DAAM2: variants seen among roughly 807,000 people sequenced by gnomAD.
DAAM2 encodes disheveled-associated activator of morphogenesis 2.
A neutral mutation model predicts 120.7 loss-of-function variants in DAAM2; 39 were observed. The ratio of observed to expected loss-of-function variants is 0.32; its 90% CI spans 0.25 to 0.42. The LOEUF (loss-of-function observed/expected upper bound fraction) is 0.42. Ranked by LOEUF, DAAM2 falls within the 10% of genes least tolerant of loss-of-function variation. The pLI, the probability that DAAM2 is intolerant of heterozygous loss-of-function variation, is 1.00. For missense variants in DAAM2, 1,283 were observed against 1,401.7 expected, an observed-to-expected ratio of 0.92 and a Z score of 1.35; for synonymous variants, 488 against 524.9, an observed-to-expected ratio of 0.93 and a Z score of 0.96.
At chr6:39,874,662 G>A (rs1764796403) in intron 10 of DAAM2, among the ~76,000 whole-genome samples, 1 of 152,226 alleles carries the variant, frequency 6.6e-6, no homozygotes, top group African/African-American at 2.4e-5. Flanking sequence ...CAAGGACCAA[G>A]GAAAGAGAGT....
intron 1 of DAAM2, among the ~76,000 whole-genome samples, chr6:39,809,643 A>G (rs1195573324): frequency 6.6e-6 from 1 of 152,200 alleles, no homozygotes; most frequent in East Asian, 1.9e-4. Context: ...CACAATGCTC[A>G]GAGAAGCACT....
rs142815151 is a variant in DAAM2 at position 39,798,626 on chromosome 6, A to C, written c.-57+6161A>C. Among the ~76,000 whole-genome samples, 450 of 152,276 alleles carry C rather than the reference A, an allele frequency of 3.0e-3. 3 individuals carry two copies. The highest frequency in any genetic ancestry group is 0.025 in the South Asian group (120 of 4,824). On this transcript the variant is annotated intron_variant, in intron 1 of 24. Transcript: ENST00000274867. ...ATGACCAATTGCTGTGTCGGCCAGC[A>C]ATCCCCATCAGTCCTCAAGGGTTAA...
chr6:39,849,254 C>T (rs1582670631), intron 1 of DAAM2, among the ~76,000 whole-genome samples: 1 of 152,130 alleles, frequency 6.6e-6, no homozygotes, highest in Non-Finnish European at 1.5e-5. Flanking sequence ...ATGACTGTTC[C>T]AGTAAAACTG....
In DAAM2 at chr6:39,878,593, G is replaced by A; in HGVS notation, c.1545+5G>A. 1.3e-6 allele frequency: 2 copies of A among 1,599,026 alleles called. No individual in the cohort carries two copies. Among genetic ancestry groups the A allele is most frequent in the South Asian group, 2.3e-5 (2 of 87,956 alleles). Reference sequence around the variant, plus strand: ...GCCCAGCTCAGTGAACTCTCAGTATGCAAGCATCTCCCCCTTTACATAGTT... The same window carrying A: ...GCCCAGCTCAGTGAACTCTCAGTATACAAGCATCTCCCCCTTTACATAGTT... On this transcript the variant is annotated splice_donor_5th_base_variant and intron_variant, in intron 13 of 24. Coordinates refer to ENST00000274867, the MANE Select transcript of DAAM2 (RefSeq NM_001201427.2). This position sits in a 1 kb window ranked among gnomAD's most constrained non-coding sequence, Gnocchi z 5.0.
Position 39,900,113 on chromosome 6 carries a change from A to G in DAAM2, c.2716A>G (p.Ser906Gly), listed in dbSNP as rs771147269. 2 of 1,601,040 alleles carry G rather than the reference A, an allele frequency of 1.2e-6. No homozygotes were observed. The highest frequency in any genetic ancestry group is 8.5e-7 in the Non-Finnish European group (1 of 1,173,940). The change falls in exon 23 of 25, where the codon AGT becomes GGT. Residue 906 changes from serine (S) to glycine (G), a missense_variant. Ser to Gly is a moderately conservative substitution (Grantham distance 56, BLOSUM62 0). Transcript: ENST00000274867. Reference sequence around the variant, plus strand: ...TCAGAGGCGCCAGGTACGGGAGCCCAGTGACAAGTTTGTCCCTGTCATGAG... The same window carrying G: ...TCAGAGGCGCCAGGTACGGGAGCCCGGTGACAAGTTTGTCCCTGTCATGAG... ...EYQRRQVREP[S>G]DKFVPVMSDF...
intron 2 of DAAM2, among the ~76,000 whole-genome samples, chr6:39,857,618 G>A (rs1008835832): frequency 2.6e-5 from 4 of 152,196 alleles, no homozygotes; most frequent in Non-Finnish European, 5.9e-5. Flanking sequence ...AGTTTTGAAA[G>A]AAGGACATGA....
At chr6:39,829,725 C>G (rs1026461550) in intron 1 of DAAM2, among the ~76,000 whole-genome samples, 3 of 152,182 alleles carry the variant, frequency 2.0e-5, no homozygotes, top group Non-Finnish European at 4.4e-5. Flanking sequence ...TGTCCTCATT[C>G]TAGGGATGCA....
intron 1 of DAAM2, among the ~76,000 whole-genome samples, chr6:39,798,385 C>A (rs776254521): frequency 6.6e-6 from 1 of 152,154 alleles, no homozygotes; most frequent in Non-Finnish European, 1.5e-5. Context: ...ATGGTAGTTG[C>A]TGTAGTTACT....
chr6:39,882,980 G>A (rs1226315425), intron 14 of DAAM2, among the ~76,000 whole-genome samples: 1 of 152,102 alleles, frequency 6.6e-6, no homozygotes, highest in Non-Finnish European at 1.5e-5. Context: ...CTTTCTGAGG[G>A]GGGTTGTAGG....
Position 39,864,473 on chromosome 6 carries a change from A to C in DAAM2, c.299A>C (p.Asp100Ala), listed in dbSNP as rs1261699111. The change falls in exon 4 of 25, where the codon GAC becomes GCC. Residue 100 changes from aspartate (D) to alanine (A), a missense_variant. By Grantham distance (126) the Asp-to-Ala change is moderately radical. Around this residue, in one of 3 missense-constraint regions of DAAM2, gnomAD observed 197 missense variants for 189.3 expected, o/e 1.04. Transcript: ENST00000274867. ...DPNKLATSWPDYYIDRINSMA... is the reference protein window; with the variant it reads ...DPNKLATSWPAYYIDRINSMA... The stretch of plus-strand genomic sequence containing the variant: ...AACAAGCTGGCAACCAGCTGGCCTG[A>C]CTATTACATCGACCGCATCAATTCC... 6.2e-7 allele frequency: 1 copy of C among 1,612,764 alleles called. No homozygotes were observed. Among genetic ancestry groups the C allele is most frequent in the Admixed American group, 1.7e-5 (1 of 59,972 alleles).
At chr6:39,899,545 G>A (rs770266182) in intron 22 of DAAM2, 2 of 158,414 alleles carry the variant, frequency 1.3e-5, no homozygotes, top group Non-Finnish European at 2.8e-5. Flanking sequence ...GAGAGAGGCA[G>A]TGGGTAAGGG....
Position 39,842,244 on chromosome 6 carries a change from G to A in DAAM2, c.-56-14003G>A, listed in dbSNP as rs558908135. Among the ~76,000 whole-genome samples, 6 of 152,034 alleles carry A rather than the reference G, an allele frequency of 3.9e-5. 1 individual carries two copies. Among genetic ancestry groups the A allele is most frequent in the South Asian group, 4.1e-4 (2 of 4,834 alleles). ...TGTCGTTCCTTTAGGAAGAGCTCAC[G>A]GAGGACTGAGGACCTGCTGCACACA... On this transcript the variant is annotated intron_variant, in intron 1 of 24. Transcript: ENST00000274867.
At chr6:39,818,024 C>A (rs1367008546) in intron 1 of DAAM2, among the ~76,000 whole-genome samples, 1 of 151,624 alleles carries the variant, frequency 6.6e-6, no homozygotes, top group Non-Finnish European at 1.5e-5. Flanking sequence ...ACTAAAAATA[C>A]AAAAATTAGT....
rs148416100 is a variant in DAAM2 at position 39,878,979 on chromosome 6, G to A, written c.1546-199G>A. On this transcript the variant is annotated intron_variant, in intron 13 of 24. Coordinates refer to ENST00000274867, the MANE Select transcript of DAAM2 (RefSeq NM_001201427.2). The surrounding 1 kb of genome is among the most constrained non-coding windows in gnomAD (Gnocchi z 5.0). ...GTGTGCGTGACGTGTGTGTGTCTGT[G>A]GTGGTGGTGTGTGTGTGTTTGCGTG... 6.6e-6 allele frequency among the ~76,000 whole-genome samples: 1 copy of A among 152,186 alleles called. No individual in the cohort carries two copies. The highest frequency in any genetic ancestry group is 1.5e-5 in the Non-Finnish European group (1 of 67,992).
Position 39,836,451 on chromosome 6 carries a change from A to T in DAAM2, c.-56-19796A>T, listed in dbSNP as rs184857455. Among the ~76,000 whole-genome samples, 280 of 152,312 alleles carry T rather than the reference A, an allele frequency of 1.8e-3. 2 individuals carry two copies. The highest frequency in any genetic ancestry group is 0.017 in the Middle Eastern group (5 of 294). On this transcript the variant is annotated intron_variant, in intron 1 of 24. Transcript: ENST00000274867. ...CTCACAAGAAAAACGCGAGGTCATT[A>T]TTACTGTGATCTCTAGTTGACAAAT...
At chr6:39,860,880 C>T (rs1380540158) in intron 2 of DAAM2, 48 bp from the exon 3 acceptor site, 1 of 1,468,306 alleles carries the variant, frequency 6.8e-7, no homozygotes, top group Non-Finnish European at 9.4e-7. Flanking sequence ...CTATTCTAAT[C>T]TCAACCATCC....
chr6:39,884,015 G>T lies in DAAM2; in HGVS notation c.1899G>T (p.Arg633=), dbSNP rs182055289. The T allele has an allele frequency of 1.9e-4, 303 of 1,613,584 alleles. No homozygotes were observed. The African/African-American group carries it at 3.8e-3, about 20-fold the overall frequency. ...WNEIDDMQVF[R]ILDLEDFEKM... ...AGATTGATGACATGCAGGTATTTCG[G>T]ATCCTGGACCTAGAGGATTTTGAAA... The change falls in exon 15 of 25, where the codon CGG becomes CGT. Residue 633 remains arginine (R), a synonymous_variant. Transcript: ENST00000274867.
At chr6:39,891,560 G>C in intron 18 of DAAM2, 74 bp from the exon 19 acceptor site, 1 of 1,527,518 alleles carries the variant, frequency 6.5e-7, no homozygotes, top group Non-Finnish European at 8.9e-7. Flanking sequence ...GAGGAGACTG[G>C]AGCTGGCTCC....
At position 39,883,997 on chromosome 6, in the gene DAAM2, T is replaced by G; in HGVS notation, c.1881T>G (p.Asp627Glu). 2 of 1,613,570 alleles carry G rather than the reference T, an allele frequency of 1.2e-6. No homozygotes were observed. Among genetic ancestry groups the G allele is most frequent in the Non-Finnish European group, 1.7e-6 (2 of 1,179,590 alleles). ...CTGGCACCGTATGGAATGAGATTGA[T>G]GACATGCAGGTATTTCGGATCCTGG... ...RVPGTVWNEIDDMQVFRILDL... is the reference protein window; with the variant it reads ...RVPGTVWNEIEDMQVFRILDL... The change falls in exon 15 of 25, where the codon GAT (aspartate) becomes GAG (glutamate). Residue 627 changes from aspartate (D) to glutamate (E), a missense_variant. Coordinates refer to ENST00000274867, the MANE Select transcript of DAAM2 (RefSeq NM_001201427.2).
Sources: gnomAD v4.1 joint callset for allele counts (sites outside exome capture counted in the v4.1 genomes callset) on GRCh38, gnomAD v4.1.1 for gene constraint, gnomAD v4.1.1 regional missense constraint, Gnocchi (gnomAD v3.1) non-coding constraint, MANE v1.5 for transcripts, NCBI Gene and HGNC (gene_info 2026-07-23, HGNC 2026-07-21) for gene names.